The following TRMT11 variants were observed in gnomAD, a reference collection of about 807,000 sequenced individuals.
TRMT11 encodes the protein tRNA (guanine(10)-N(2))-methyltransferase TRMT11.
In TRMT11, 53 loss-of-function variants were observed where a neutral mutation model predicts 62.8. The observed-to-expected ratio is 0.84, with a 90% CI of 0.68 to 1.06. The LOEUF is 1.06. TRMT11 is among the 50% of genes least tolerant of loss of function. The pLI is 0.00. For missense variants in TRMT11, 556 were observed against 553.4 expected (o/e 1.00, Z -0.05); for synonymous variants, 188 against 190.3 (o/e 0.99, Z 0.10).
chr6:126,159,040 C>T (rs1778157397), intron 21 of TRMT11, among the ~76,000 whole-genome samples: 2 of 152,016 alleles, frequency 1.3e-5, no homozygotes, highest in African/African-American at 4.8e-5. Flanking sequence ...GTGACATTTC[C>T]CACTGATGCC....
At chr6:126,189,856 G>T (rs116376359) in intron 1 of TRMT11, among the ~76,000 whole-genome samples, 146 of 151,988 alleles carry the variant, frequency 9.6e-4, no homozygotes, top group African/African-American at 3.0e-3. Context: ...TATTTCAGAA[G>T]AAAAATATTT....
At chr6:126,016,156 A>G (rs1794956107) in intron 11 of TRMT11, among the ~76,000 whole-genome samples, 1 of 152,158 alleles carries the variant, frequency 6.6e-6, no homozygotes, top group South Asian at 2.1e-4. Flanking sequence ...GTGGTTGCCA[A>G]GTGATTCTTT....
chr6:126,189,274 A>C (rs771255435), intron 1 of TRMT11, among the ~76,000 whole-genome samples: 6 of 152,254 alleles, frequency 3.9e-5, no homozygotes, highest in Middle Eastern at 3.4e-3. Flanking sequence ...GGTGAGGTTA[A>C]ATGAGTTTCA....
At chr6:126,124,815 A>G (rs6569455) in intron 21 of TRMT11, among the ~76,000 whole-genome samples, 36,096 of 151,990 alleles carry the variant, frequency 0.24, 4,623 homozygotes, top group African/African-American at 0.33. Context: ...CCTAAGCAAT[A>G]CTGTTTTATG....
At chr6:126,200,200 A>G (rs1778718899) in intron 3 of TRMT11, among the ~76,000 whole-genome samples, 2 of 152,184 alleles carry the variant, frequency 1.3e-5, no homozygotes, top group Non-Finnish European at 2.9e-5. Context: ...AGTTGGAAAT[A>G]CTCTCCCAGT....
chr6:126,258,568 T>G, the TRMT11 span, among the ~76,000 whole-genome samples: 1 of 152,252 alleles, frequency 6.6e-6, no homozygotes, highest in Non-Finnish European at 1.5e-5. Context: ...CACTCTTTGG[T>G]CTGTTCAGAT....
intron 12 of TRMT11, among the ~76,000 whole-genome samples, chr6:126,034,476 A>G (rs909237602): frequency 2.6e-5 from 4 of 152,164 alleles, no homozygotes; most frequent in African/African-American, 9.7e-5. Context: ...TGGCTAGCAC[A>G]AATTTACCTA....
At chr6:126,006,216 T>G (rs561218607) in intron 7 of TRMT11, among the ~76,000 whole-genome samples, 83 of 152,116 alleles carry the variant, frequency 5.5e-4, no homozygotes, top group African/African-American at 1.9e-3. Context: ...TTGCTCGGCC[T>G]GCTAATTTAA....
chr6:126,181,040 A>G (rs1778459241), intron 1 of TRMT11, among the ~76,000 whole-genome samples: 1 of 152,232 alleles, frequency 6.6e-6, no homozygotes, highest in Admixed American at 6.5e-5. Flanking sequence ...TGTTCCATAA[A>G]TAGGACACAC....
chr6:125,992,946 G>A (rs1051342905), intron 1 of TRMT11, among the ~76,000 whole-genome samples: 2 of 152,174 alleles, frequency 1.3e-5, no homozygotes, highest in Non-Finnish European at 2.9e-5. Context: ...ATTCTTCTTG[G>A]TCTTGGAGTG....
chr6:126,272,210 A>C, the TRMT11 span, among the ~76,000 whole-genome samples: 11 of 152,206 alleles, frequency 7.2e-5, no homozygotes, highest in Non-Finnish European at 1.0e-4. Flanking sequence ...TCTATAGACA[A>C]AATTCTGGTC....
At chr6:126,070,172 C>G (rs1296765292) in intron 17 of TRMT11, among the ~76,000 whole-genome samples, 1 of 152,130 alleles carries the variant, frequency 6.6e-6, no homozygotes, top group Non-Finnish European at 1.5e-5. Context: ...AGGTGTGCTT[C>G]CCATCAGAGA....
downstream of TRMT11, among the ~76,000 whole-genome samples, chr6:126,043,750 C>G (rs1051275827): frequency 3.3e-5 from 5 of 150,330 alleles, no homozygotes; most frequent in African/African-American, 9.7e-5. Context: ...GCCATTCTAA[C>G]TGGTGTGAGA....
At chr6:126,178,365 G>A (rs560546211) in intron 1 of TRMT11, among the ~76,000 whole-genome samples, 53 of 152,210 alleles carry the variant, frequency 3.5e-4, no homozygotes, top group Non-Finnish European at 6.2e-4. Context: ...CTGAGGCTGA[G>A]GCTGTCATGG....
rs538594726 is a variant in TRMT11, at chr6:126,074,947, C to G, written c.*1437+21757C>G. 2.0e-5 allele frequency among the ~76,000 whole-genome samples: 3 copies of G among 152,188 alleles called. No individual in the cohort carries two copies. In the South Asian group the frequency reaches 6.2e-4, roughly 32 times the overall value. ...AAAAATAATTGATTTTCATGATTGT[C>G]TTCCGTCTGCACAATTTTTATTAAT... is the stretch of plus-strand genomic sequence containing the variant. On this transcript the variant is annotated intron_variant and NMD_transcript_variant, in intron 17 of 22. Transcript: ENST00000648977.
At chr6:126,033,896 C>A (rs1424321677) in intron 12 of TRMT11, among the ~76,000 whole-genome samples, 1 of 152,074 alleles carries the variant, frequency 6.6e-6, no homozygotes, top group African/African-American at 2.4e-5. Flanking sequence ...TGTTAAAATT[C>A]CTCGAGTGGT....
chr6:126,074,098 T>A lies in TRMT11; in HGVS notation c.*1437+20908T>A, dbSNP rs543048845. 1.5e-4 allele frequency among the ~76,000 whole-genome samples: 23 copies of A among 152,348 alleles called. No individual in the cohort carries two copies. The South Asian group carries it at 1.9e-3, about 12-fold the overall frequency. Reference sequence around the variant, plus strand: ...GGAAACTACAGTTCCAGATGAGATCTGAGTGGGGGCGTAGCCAAACCATAT... The same window carrying A: ...GGAAACTACAGTTCCAGATGAGATCAGAGTGGGGGCGTAGCCAAACCATAT... On this transcript the variant is annotated intron_variant and NMD_transcript_variant, in intron 17 of 22. Coordinates refer to the TRMT11 transcript ENST00000648977.
chr6:126,145,555 T>C (rs1777964759), intron 21 of TRMT11, among the ~76,000 whole-genome samples: 1 of 152,096 alleles, frequency 6.6e-6, no homozygotes, highest in South Asian at 2.1e-4. Flanking sequence ...CTGCTGCTCC[T>C]CCTGCCAGGC....
At chr6:126,041,629 T>G (rs1366945520), downstream of TRMT11, among the ~76,000 whole-genome samples, 1 of 152,148 alleles carries the variant, frequency 6.6e-6, no homozygotes, top group Non-Finnish European at 1.5e-5. Flanking sequence ...AAATCTCCCT[T>G]GAAAAAGCAC....
Sources: gnomAD v4.1 joint callset for allele counts (sites outside exome capture counted in the v4.1 genomes callset) on GRCh38, gnomAD v4.1.1 for gene constraint, MANE v1.5 for transcripts, NCBI Gene and HGNC (gene_info 2026-07-23, HGNC 2026-07-21) for gene names.